The following ZNF730 variants were observed in gnomAD, a reference collection of about 807,000 sequenced individuals.
The protein encoded by ZNF730 is zinc finger protein 730.
Under a neutral mutation model 12.6 loss-of-function variants are expected in ZNF730, and 12 were observed. That is an observed-to-expected ratio of 0.95 (90% CI 0.61 to 1.54). The LOEUF (loss-of-function observed/expected upper bound fraction) is 1.54. Ranked by LOEUF, ZNF730 falls within the 40% of genes most tolerant of loss-of-function variation. The probability of loss-of-function intolerance (pLI) is 0.00; values close to 1 mark genes in which losing one functional copy is unlikely to be tolerated. For synonymous variants in ZNF730, 194 were observed against 195.8 expected (o/e 0.99, Z 0.08); for missense variants, 643 against 583.5 (o/e 1.10, Z -1.05).
chr19:23,145,579 G>T lies in ZNF730; in HGVS notation c.535G>T (p.Gly179Ter). The T allele has an allele frequency of 6.5e-7, 1 of 1,543,240 alleles. No individual in the cohort carries two copies. Among genetic ancestry groups the T allele is most frequent in the Non-Finnish European group, 8.7e-7 (1 of 1,145,486 alleles). Reference sequence around the variant, plus strand: ...GAAACCTTTCAAATGTAAAGAATGTGGAAAATTATTTTGCATTCTTTCACA... The same window carrying T: ...GAAACCTTTCAAATGTAAAGAATGTTGAAAATTATTTTGCATTCTTTCACA... ...SKKPFKCKEC[G>*]KLFCILSHLA... The change falls in exon 4 of 4, where the codon GGA becomes TGA. Residue 179 changes from glycine to a stop codon, truncating the protein, a stop_gained. Transcript: ENST00000597761. LOFTEE classifies it low-confidence loss of function (END_TRUNC).
chr19:23,102,163 C>CACAA (rs1276816680), intron 1 of ZNF730, among the ~76,000 whole-genome samples: 2 of 152,146 alleles, frequency 1.3e-5, no homozygotes, highest in African/African-American at 2.4e-5. Flanking sequence ...TGTGACTTAT[C>CACAA]ACTAGGCCCA....
intron 1 of ZNF730, among the ~76,000 whole-genome samples, chr19:23,118,386 T>A (rs1003126808): frequency 5.3e-5 from 8 of 151,866 alleles, no homozygotes; most frequent in Admixed American, 2.0e-4. Flanking sequence ...TTTGTTTTTT[T>A]AATTTTTATG....
intron 1 of ZNF730, chr19:23,128,373 GA>G: frequency 2.1e-6 from 1 of 479,926 alleles, no homozygotes; most frequent in Non-Finnish European, 3.9e-6. Context: ...CTCCAGACTT[GA>G]AGGAGATGCA....
chr19:23,085,764 C>T (rs1221214474), intron 1 of ZNF730, among the ~76,000 whole-genome samples: 1 of 150,086 alleles, frequency 6.7e-6, no homozygotes, highest in African/African-American at 2.5e-5. Context: ...GGTCCACCCG[C>T]CTTTGTCTCC....
intron 1 of ZNF730, among the ~76,000 whole-genome samples, chr19:23,105,485 G>T (rs1000907136): frequency 2.0e-5 from 3 of 151,874 alleles, no homozygotes; most frequent in African/African-American, 7.3e-5. Flanking sequence ...CTTTCCAGCA[G>T]AAAAAGGAAA....
At position 23,146,245 on chromosome 19, in the gene ZNF730, T is replaced by C. The variant is rs769564697; in HGVS notation, c.1201T>C (p.Cys401Arg). The C allele has an allele frequency of 1.3e-5, 21 of 1,613,428 alleles. No homozygotes were observed. In the South Asian group the frequency reaches 1.9e-4, roughly 14 times the overall value. ...TVEKFYKCEE[C>R]GKAFSRISHL... is the part of the protein sequence containing the mutation. ...AGAGAAATTTTACAAATGTGAAGAA[T>C]GTGGCAAAGCCTTTAGCCGTATCTC... is the stretch of plus-strand genomic sequence containing the variant. Residue 401 changes from cysteine (C) to arginine (R), a missense_variant, in exon 4 of 4, where the codon TGT (cysteine) becomes CGT (arginine). Coordinates refer to ENST00000597761, the MANE Select transcript of ZNF730 (RefSeq NM_001277403.2).
Position 23,128,254 on chromosome 19 carries a change from C to T in ZNF730, c.4-5826C>T, listed in dbSNP as rs552544186. On this transcript the variant is annotated intron_variant, in intron 1 of 3. Coordinates refer to ENST00000597761, the MANE Select transcript of ZNF730 (RefSeq NM_001277403.2). ...CAAGGACTTTAATGCAGCAGTACAC[C>T]AGAAGTACATCATAGGCCAGAATGT... 2.9e-5 allele frequency: 21 copies of T among 712,206 alleles called. No homozygotes were observed. The African/African-American group carries it at 3.6e-4, about 12-fold the overall frequency. 44.1% of individuals were successfully genotyped at this position (712,206 alleles called of 1,614,324 possible).
chr19:23,140,899 C>T (rs1033951674), intron 3 of ZNF730, among the ~76,000 whole-genome samples: 1 of 150,880 alleles, frequency 6.6e-6, no homozygotes, highest in African/African-American at 2.4e-5. Context: ...TTGCAGTGAG[C>T]CTAGATTTTG....
rs1971021834 is a variant in ZNF730, at chr19:23,146,766, C to G, written c.*210C>G. The G allele has an allele frequency of 9.3e-7, 1 of 1,072,814 alleles. No homozygotes were observed. Among genetic ancestry groups the G allele is most frequent in the South Asian group, 1.3e-5 (1 of 79,744 alleles). 66.5% of individuals were successfully genotyped at this position (1,072,814 alleles called of 1,614,324 possible). A position where few individuals can be genotyped will look rare whatever the true frequency, so the allele number is the denominator to read the frequency against. On this transcript the variant is annotated 3_prime_UTR_variant, in exon 4 of 4. Coordinates refer to ENST00000597761, the MANE Select transcript of ZNF730 (RefSeq NM_001277403.2). ...CAAAGTCTTCAACCAATCTTCACAC[C>G]TTACTACACATAAGATAATTCATAC... is the stretch of plus-strand genomic sequence containing the variant.
At chr19:23,089,476 C>G (rs189662820) in intron 1 of ZNF730, among the ~76,000 whole-genome samples, 1 of 151,924 alleles carries the variant, frequency 6.6e-6, no homozygotes. Context: ...TGGGAGGGAC[C>G]GGGGGGAGAT....
chr19:23,087,833 C>T (rs1282602496), intron 1 of ZNF730, among the ~76,000 whole-genome samples: 4 of 151,652 alleles, frequency 2.6e-5, no homozygotes, highest in Non-Finnish European at 5.9e-5. Context: ...AGGCTGGTTT[C>T]GAACTCCCAA....
intron 1 of ZNF730, among the ~76,000 whole-genome samples, chr19:23,130,748 A>G (rs909248596): frequency 6.6e-6 from 1 of 152,206 alleles, no homozygotes; most frequent in African/African-American, 2.4e-5. Flanking sequence ...AAATTACACA[A>G]ACTCTGAGAT....
At chr19:23,090,485 G>A (rs541127462) in intron 1 of ZNF730, among the ~76,000 whole-genome samples, 2 of 152,226 alleles carry the variant, frequency 1.3e-5, no homozygotes, top group South Asian at 2.1e-4. Flanking sequence ...TGTTTTAAAA[G>A]GGAAACAGAA....
chr19:23,142,413 G>T (rs1005263584), intron 3 of ZNF730, among the ~76,000 whole-genome samples: 1 of 148,010 alleles, frequency 6.8e-6, no homozygotes, highest in African/African-American at 2.5e-5. Flanking sequence ...GCCAGGCGCG[G>T]TGGCTCACTC....
chr19:23,094,404 A>G lies in ZNF730; in HGVS notation c.-94+19017A>G, dbSNP rs142008191. The stretch of plus-strand genomic sequence containing the variant: ...TATCTATCTATCTGTCTATCTGTCT[A>G]TCTATCTGTGGGCACTCTATAGATA... On this transcript the variant is annotated intron_variant, in intron 1 of 2. Transcript: ENST00000593635. 1.6e-3 allele frequency among the ~76,000 whole-genome samples: 235 copies of G among 149,652 alleles called. 1 individual carries two copies. The highest frequency in any genetic ancestry group is 7.1e-3 in the Middle Eastern group (2 of 282).
chr19:23,142,947 T>C (rs1359485758), intron 3 of ZNF730, among the ~76,000 whole-genome samples: 1 of 149,488 alleles, frequency 6.7e-6, no homozygotes, highest in Non-Finnish European at 1.5e-5. Context: ...TAAAACCTCT[T>C]AAAAAAAACA....
intron 1 of ZNF730, among the ~76,000 whole-genome samples, chr19:23,101,964 G>A (rs1970340525): frequency 6.6e-6 from 1 of 152,096 alleles, no homozygotes; most frequent in Admixed American, 6.6e-5. Flanking sequence ...CTTCACTCAG[G>A]TTATGTGACT....
intron 3 of ZNF730, among the ~76,000 whole-genome samples, chr19:23,142,983 G>A (rs1171124581): frequency 1.3e-5 from 2 of 151,804 alleles, no homozygotes; most frequent in Admixed American, 6.6e-5. Context: ...GGTGGCTCAC[G>A]CCTATAATCC....
chr19:23,106,014 A>G (rs961017880), intron 1 of ZNF730, among the ~76,000 whole-genome samples: 1 of 152,214 alleles, frequency 6.6e-6, no homozygotes, highest in African/African-American at 2.4e-5. Flanking sequence ...GATTATAATC[A>G]AGCTAGGCTT....
Sources: gnomAD v4.1 joint callset for allele counts (sites outside exome capture counted in the v4.1 genomes callset) on GRCh38, gnomAD v4.1.1 for gene constraint, MANE v1.5 for transcripts, NCBI Gene and HGNC (gene_info 2026-07-23, HGNC 2026-07-21) for gene names.